Variants in FER observed in about 807,000 individuals in gnomAD.
FER encodes FER tyrosine kinase.
In FER, 63 loss-of-function variants were observed where a neutral mutation model predicts 111.0. The observed-to-expected ratio is 0.57, with a 90% CI of 0.46 to 0.70. The LOEUF (loss-of-function observed/expected upper bound fraction) is 0.70. Among genes scored for constraint, FER ranks in the 30% least tolerant of loss-of-function variants. The pLI, the probability that FER is intolerant of heterozygous loss-of-function variation, is 0.00. For synonymous variants in FER, 327 were observed against 313.9 expected (o/e 1.04, Z -0.44); for missense variants, 914 against 954.0 (o/e 0.96, Z 0.55).
intron 17 of FER, among the ~76,000 whole-genome samples, chr5:109,171,677 T>C (rs1255315250): frequency 6.6e-6 from 1 of 152,196 alleles, no homozygotes; most frequent in Admixed American, 6.5e-5. Flanking sequence ...CTTCATAGTC[T>C]CAGAATGGGA....
chr5:109,174,417 CTTGTTT>C lies in FER; in HGVS notation c.2049-6315_2049-6310del, dbSNP rs533722858. On this transcript the variant is annotated intron_variant, in intron 17 of 19. Transcript: ENST00000281092. ...AGCTAAATAGTGGCTATGGTATTGC[CTTGTTT>C]TTGTTTTTGTTTTTTAAAAAAGGGC... is the stretch of plus-strand genomic sequence containing the variant. 7.7e-4 allele frequency among the ~76,000 whole-genome samples: 117 copies of C among 152,184 alleles called. No individual in the cohort carries two copies. The East Asian group carries it at 8.7e-3, about 11-fold the overall frequency.
intron 17 of FER, among the ~76,000 whole-genome samples, chr5:109,164,298 G>A (rs564253007): frequency 6.6e-6 from 1 of 152,130 alleles, no homozygotes; most frequent in African/African-American, 2.4e-5. Context: ...GTTTTCACAT[G>A]GATAGAATTT....
intron 5 of FER, among the ~76,000 whole-genome samples, chr5:108,857,383 T>C (rs758509757): frequency 6.6e-5 from 10 of 152,108 alleles, no homozygotes; most frequent in Non-Finnish European, 1.0e-4. Flanking sequence ...TGATGTTCTG[T>C]TGTTGGTGCT....
intron 10 of FER, among the ~76,000 whole-genome samples, chr5:108,916,238 T>C (rs1305259544): frequency 6.6e-6 from 1 of 152,212 alleles, no homozygotes; most frequent in Non-Finnish European, 1.5e-5. Flanking sequence ...GGATCCAATT[T>C]GTGGTTCAGA....
intron 13 of FER, among the ~76,000 whole-genome samples, chr5:108,987,720 C>A (rs975440605): frequency 1.3e-5 from 2 of 152,104 alleles, no homozygotes; most frequent in Non-Finnish European, 2.9e-5. Context: ...TCTAGGTATA[C>A]AATCATATCA....
At chr5:109,050,763 A>G (rs1011321633) in intron 16 of FER, among the ~76,000 whole-genome samples, 3 of 152,200 alleles carry the variant, frequency 2.0e-5, no homozygotes, top group Admixed American at 2.0e-4. Context: ...ATAGTAGCAC[A>G]AGTCCATTGA....
At chr5:109,164,614 C>T (rs1365471886) in intron 17 of FER, among the ~76,000 whole-genome samples, 2 of 152,054 alleles carry the variant, frequency 1.3e-5, no homozygotes, top group Non-Finnish European at 2.9e-5. Flanking sequence ...CTGCATTTGC[C>T]ATTTAGTATC....
intron 18 of FER, among the ~76,000 whole-genome samples, chr5:109,185,632 T>TG (rs940884354): frequency 6.6e-6 from 1 of 151,986 alleles, no homozygotes; most frequent in Non-Finnish European, 1.5e-5. Flanking sequence ...TATTTATTCT[T>TG]GGGGGGAGGG....
intron 8 of FER, among the ~76,000 whole-genome samples, chr5:108,876,416 G>T (rs762139152): frequency 8.5e-5 from 13 of 152,142 alleles, no homozygotes; most frequent in Non-Finnish European, 1.8e-4. Context: ...TCACACATCT[G>T]CTTGGCACTA....
chr5:108,779,894 A>T (rs1015833864), intron 2 of FER, among the ~76,000 whole-genome samples: 2 of 152,218 alleles, frequency 1.3e-5, no homozygotes, highest in African/African-American at 4.8e-5. Context: ...ATAATAAAAT[A>T]CTAATTACCA....
intron 2 of FER, among the ~76,000 whole-genome samples, chr5:108,772,286 C>T (rs1347341319): frequency 9.8e-6 from 1 of 102,284 alleles, no homozygotes. Context: ...GGTTCGTATT[C>T]AGATCTCCCC....
intron 13 of FER, among the ~76,000 whole-genome samples, chr5:108,980,957 G>C (rs1365131984): frequency 2.0e-5 from 3 of 152,072 alleles, no homozygotes; most frequent in African/African-American, 7.2e-5. Flanking sequence ...ATAACTTTTG[G>C]TAGGGTTTTT....
At chr5:109,005,640 G>C (rs905821731) in intron 13 of FER, among the ~76,000 whole-genome samples, 20 of 152,168 alleles carry the variant, frequency 1.3e-4, no homozygotes, top group African/African-American at 4.3e-4. Flanking sequence ...AGACAGAGGA[G>C]TTCCAAAAAA....
intron 12 of FER, among the ~76,000 whole-genome samples, chr5:108,955,740 G>A (rs1164318319): frequency 2.0e-5 from 3 of 151,776 alleles, no homozygotes; most frequent in African/African-American, 7.2e-5. Flanking sequence ...TGAGAGACTA[G>A]GGTGATACTA....
intron 3 of FER, among the ~76,000 whole-genome samples, chr5:108,810,108 C>G (rs989020062): frequency 6.6e-6 from 1 of 151,760 alleles, no homozygotes; most frequent in African/African-American, 2.4e-5. Flanking sequence ...TTTTTAATTT[C>G]TCTTTTCCTT....
At position 108,825,829 on chromosome 5, in the gene FER, C is replaced by T. The variant is rs556108768; in HGVS notation, c.208-6941C>T. Among the ~76,000 whole-genome samples, 59 of 152,302 alleles carry T rather than the reference C, an allele frequency of 3.9e-4. 1 individual carries two copies. The highest frequency in any genetic ancestry group is 2.1e-3 in the South Asian group (10 of 4,830). The stretch of plus-strand genomic sequence containing the variant: ...CACGTTCTTCTGTCATGGCTTCAGC[C>T]GGTTCCTCCATTTGGGGTCCCTGAC... On this transcript the variant is annotated intron_variant, in intron 3 of 19. Transcript: ENST00000281092.
intron 2 of FER, among the ~76,000 whole-genome samples, chr5:108,788,926 T>C (rs559451109): frequency 6.6e-6 from 1 of 152,364 alleles, no homozygotes; most frequent in African/African-American, 2.4e-5. Context: ...ATCCATTCAC[T>C]AGGTCAAGAA....
At chr5:109,061,522 T>C (rs1336023446) in intron 16 of FER, among the ~76,000 whole-genome samples, 1 of 152,214 alleles carries the variant, frequency 6.6e-6, no homozygotes, top group Non-Finnish European at 1.5e-5. Flanking sequence ...AATAGTACTC[T>C]ATTTCTACTA....
chr5:109,038,260 A>G (rs567518508), intron 14 of FER, among the ~76,000 whole-genome samples: 6 of 152,030 alleles, frequency 3.9e-5, no homozygotes, highest in African/African-American at 1.2e-4. Flanking sequence ...ATATATAAAA[A>G]TGTGAATTCA....
Sources: allele counts gnomAD v4.1 joint callset (sites outside exome capture counted in the v4.1 genomes callset), GRCh38; gene constraint gnomAD v4.1.1; transcripts MANE v1.5; gene names NCBI Gene and HGNC (gene_info 2026-07-23, HGNC 2026-07-21).